Variants in HTR3B observed in about 807,000 individuals in gnomAD.
HTR3B encodes the protein 5-hydroxytryptamine (serotonin) receptor 3B, ionotropic.
Under a neutral mutation model 42.8 loss-of-function variants are expected in HTR3B, and 44 were observed. The ratio of observed to expected loss-of-function variants is 1.03; its 90% confidence interval spans 0.81 to 1.32. The LOEUF (loss-of-function observed/expected upper bound fraction) is 1.32, where lower values mean the gene tolerates loss of function less well. Ranked by LOEUF, HTR3B falls within the 40% of genes most tolerant of loss-of-function variation. HTR3B has a pLI of 0.00. For missense variants in HTR3B, 527 were observed against 536.5 expected (o/e 0.98, Z 0.17); for synonymous variants, 203 against 209.0 (o/e 0.97, Z 0.25).
intron 2 of HTR3B, among the ~76,000 whole-genome samples, chr11:113,913,199 C>G (rs1393346099): frequency 2.0e-5 from 3 of 150,600 alleles, no homozygotes; most frequent in Non-Finnish European, 4.4e-5. Flanking sequence ...TTCTTTCTTT[C>G]TTTGTTTTTT....
Position 113,932,976 on chromosome 11 carries a change from C to T in HTR3B, c.579C>T (p.Asp193=). ...VDLAFLRSPE[D]IQHDKKAFLN... ...TGGCCTTTCTGAGGAGCCCAGAAGA[C>T]ATTCAGCATGACAAAAAGGCGTTTT... Residue 193 remains aspartate, a synonymous_variant, in exon 6 of 9, where the codon GAC becomes GAT. Coordinates refer to ENST00000260191, the MANE Select transcript of HTR3B (RefSeq NM_006028.5). 6.2e-7 allele frequency: 1 copy of T among 1,614,118 alleles called. No individual in the cohort carries two copies. Among genetic ancestry groups the T allele is most frequent in the Non-Finnish European group, 8.5e-7 (1 of 1,180,000 alleles).
intron 6 of HTR3B, among the ~76,000 whole-genome samples, chr11:113,936,781 C>T (rs903595449): frequency 3.9e-5 from 6 of 152,110 alleles, no homozygotes; most frequent in East Asian, 1.9e-4. Flanking sequence ...CTGTATGAAG[C>T]GGAGTCTAGG....
At chr11:113,908,900 CA>C (rs1483586811) in intron 1 of HTR3B, 146 of 239,104 alleles carry the variant, frequency 6.1e-4, no homozygotes, top group African/African-American at 3.1e-3. Flanking sequence ...CATGAAAAAT[CA>C]AAAGAAAAAC....
At chr11:113,899,214 T>C in the HTR3B span, among the ~76,000 whole-genome samples, 1 of 152,178 alleles carries the variant, frequency 6.6e-6, no homozygotes, top group Non-Finnish European at 1.5e-5. Flanking sequence ...TGTTTACTTT[T>C]TAAGGACCGT....
upstream of HTR3B, among the ~76,000 whole-genome samples, chr11:113,901,603 C>G (rs907077963): frequency 6.6e-6 from 1 of 152,184 alleles, no homozygotes; most frequent in African/African-American, 2.4e-5. Context: ...AGACAAGTCA[C>G]TCATACAAAA....
chr11:113,899,751 C>T, the HTR3B span, among the ~76,000 whole-genome samples: 1 of 152,162 alleles, frequency 6.6e-6, no homozygotes, highest in Non-Finnish European at 1.5e-5. Context: ...CTTGCTTCTT[C>T]CAAAAGACAT....
intron 1 of HTR3B, among the ~76,000 whole-genome samples, chr11:113,906,255 A>G (rs936279163): frequency 6.6e-6 from 1 of 152,164 alleles, no homozygotes; most frequent in African/African-American, 2.4e-5. Context: ...GTATTTTACT[A>G]TATTTACAAA....
At chr11:113,932,017 G>A in intron 4 of HTR3B, 150 bp downstream of exon 4, 1 of 645,770 alleles carries the variant, frequency 1.5e-6, no homozygotes, top group Non-Finnish European at 2.8e-6. Context: ...GAAGTGCCAT[G>A]TGTTGACATT....
intron 2 of HTR3B, among the ~76,000 whole-genome samples, chr11:113,919,728 C>T (rs992119499): frequency 2.6e-5 from 4 of 151,588 alleles, no homozygotes; most frequent in African/African-American, 9.7e-5. Flanking sequence ...CTTGGGAGAC[C>T]GAGGCAGGAG....
chr11:113,943,240 G>A, intron 7 of HTR3B, 48 bp downstream of exon 7: 1 of 1,468,508 alleles, frequency 6.8e-7, no homozygotes, highest in Non-Finnish European at 9.4e-7. Flanking sequence ...TGACCCCTGT[G>A]AAAGATCTAA....
At chr11:113,909,911 G>C (rs1249522370) in intron 2 of HTR3B, among the ~76,000 whole-genome samples, 1 of 149,732 alleles carries the variant, frequency 6.7e-6, no homozygotes, top group Non-Finnish European at 1.5e-5. Flanking sequence ...TTGAGCTTGG[G>C]TGGTTGAGGC....
At chr11:113,905,650 T>C (rs572702819) in intron 1 of HTR3B, among the ~76,000 whole-genome samples, 413 of 152,296 alleles carry the variant, frequency 2.7e-3, no homozygotes, top group African/African-American at 9.5e-3. Flanking sequence ...AATTGAATCA[T>C]TTTAGTTAGG....
At chr11:113,918,214 G>C (rs1034847525) in intron 2 of HTR3B, among the ~76,000 whole-genome samples, 2 of 151,624 alleles carry the variant, frequency 1.3e-5, no homozygotes, top group African/African-American at 4.9e-5. Context: ...ACTAGAAAAT[G>C]AACACTGGTA....
upstream of HTR3B, among the ~76,000 whole-genome samples, chr11:113,901,092 G>A (rs1291060873): frequency 2.6e-5 from 4 of 152,070 alleles, no homozygotes; most frequent in African/African-American, 9.7e-5. Context: ...TAGTGAGGAG[G>A]GACCATTTTT....
intron 1 of HTR3B, among the ~76,000 whole-genome samples, chr11:113,907,999 G>A (rs1038264045): frequency 1.8e-4 from 28 of 152,146 alleles, no homozygotes; most frequent in African/African-American, 6.8e-4. Flanking sequence ...CCCTACAAAT[G>A]ATGCCTGATG....
At chr11:113,905,823 G>T (rs556256763) in intron 1 of HTR3B, among the ~76,000 whole-genome samples, 1 of 152,288 alleles carries the variant, frequency 6.6e-6, no homozygotes, top group Non-Finnish European at 1.5e-5. Context: ...AGATGAGTTA[G>T]AAATTTGGTA....
chr11:113,945,426 G>T (rs1016494021), intron 8 of HTR3B, among the ~76,000 whole-genome samples: 5 of 152,116 alleles, frequency 3.3e-5, no homozygotes, highest in African/African-American at 1.2e-4. Flanking sequence ...TGAGCCTACC[G>T]CACCCAGCCT....
At chr11:113,929,900 T>C (rs1031030001) in intron 2 of HTR3B, among the ~76,000 whole-genome samples, 2 of 151,912 alleles carry the variant, frequency 1.3e-5, no homozygotes, top group African/African-American at 4.8e-5. Flanking sequence ...GCCCGGCTAA[T>C]TTTTGTATTT....
At chr11:113,903,706 G>A (rs763104842), upstream of HTR3B, among the ~76,000 whole-genome samples, 1 of 152,082 alleles carries the variant, frequency 6.6e-6, no homozygotes, top group Non-Finnish European at 1.5e-5. Context: ...GGGATTACAG[G>A]CTTGAGCCAC....
Sources: allele counts gnomAD v4.1 joint callset (sites outside exome capture counted in the v4.1 genomes callset), GRCh38; gene constraint gnomAD v4.1.1; transcripts MANE v1.5; gene names NCBI Gene and HGNC (gene_info 2026-07-23, HGNC 2026-07-21).